ATXN1: variants seen among roughly 807,000 people sequenced by gnomAD.
ATXN1 encodes ataxin 1.
Under a neutral mutation model 56.4 loss-of-function variants are expected in ATXN1, and 8 were observed. That is an observed-to-expected ratio of 0.14 (90% CI 0.08 to 0.26). The LOEUF (loss-of-function observed/expected upper bound fraction) is 0.26. ATXN1 is among the 10% of genes least tolerant of loss of function. ATXN1 has a pLI of 1.00. For synonymous variants in ATXN1, 514 were observed against 494.6 expected (o/e 1.04, Z -0.52); for missense variants, 987 against 1,106.5 (o/e 0.89, Z 1.53).
intron 4 of ATXN1, among the ~76,000 whole-genome samples, chr6:16,565,125 T>TA (rs1762193307): frequency 6.6e-6 from 1 of 152,226 alleles, no homozygotes; most frequent in Non-Finnish European, 1.5e-5. Context: ...GCATAGTGGT[T>TA]AAAAATCAAT....
chr6:16,410,507 T>C lies in ATXN1; in HGVS notation c.-161+75465A>G, dbSNP rs917691115. On this transcript the variant is annotated intron_variant, in intron 6 of 7. Coordinates refer to ENST00000436367, the MANE Select transcript of ATXN1 (RefSeq NM_001128164.2). This position sits in a 1 kb window ranked among gnomAD's most constrained non-coding sequence, Gnocchi z 4.6. ...GGGCTTTTTCTGATGTAGCGATATTTTGGAGATTATGGTTCAACCAGTGAT... is the reference window on the plus strand; with the variant it reads ...GGGCTTTTTCTGATGTAGCGATATTCTGGAGATTATGGTTCAACCAGTGAT... Among the ~76,000 whole-genome samples the C allele has an allele frequency of 1.3e-5, 2 of 152,216 alleles. No homozygotes were observed. The highest frequency in any genetic ancestry group is 4.8e-5 in the African/African-American group (2 of 41,464).
intron 3 of ATXN1, among the ~76,000 whole-genome samples, chr6:16,621,794 A>G (rs998022487): frequency 6.6e-6 from 1 of 152,214 alleles, no homozygotes; most frequent in Non-Finnish European, 1.5e-5. Flanking sequence ...AAAATAAATA[A>G]ATAAAAAGTC....
At chr6:16,558,480 T>C (rs1762056613) in intron 4 of ATXN1, among the ~76,000 whole-genome samples, 1 of 152,048 alleles carries the variant, frequency 6.6e-6, no homozygotes, top group Non-Finnish European at 1.5e-5. Context: ...GCTCAAACAA[T>C]CCTTCCACCT....
intron 3 of ATXN1, among the ~76,000 whole-genome samples, chr6:16,633,388 T>C (rs986920470): frequency 3.3e-5 from 5 of 152,210 alleles, no homozygotes; most frequent in Non-Finnish European, 7.3e-5. Flanking sequence ...TCAGTTTTCT[T>C]TTCCAGTTTT....
At chr6:16,494,481 A>C (rs1199394827) in intron 5 of ATXN1, among the ~76,000 whole-genome samples, 1 of 152,182 alleles carries the variant, frequency 6.6e-6, no homozygotes, top group Non-Finnish European at 1.5e-5. Flanking sequence ...CTATCCTCAA[A>C]GGTTTTTTAA....
intron 3 of ATXN1, among the ~76,000 whole-genome samples, chr6:16,655,546 G>A (rs1461997788): frequency 2.6e-5 from 4 of 152,180 alleles, no homozygotes; most frequent in African/African-American, 4.8e-5. Context: ...TTCATAAAGA[G>A]AGACCAGTCA....
In ATXN1 at chr6:16,328,217, T is replaced by C; in HGVS notation, c.94A>G (p.Thr32Ala). The change falls in exon 7 of 8, where the codon ACC becomes GCC. Residue 32 changes from threonine (T) to alanine (A), a missense_variant. This residue lies in a region of ATXN1 where 723 missense variants were observed against 791.7 expected (regional missense o/e 0.91). Transcript: ENST00000436367. This position sits in a 1 kb window ranked among gnomAD's most constrained non-coding sequence, Gnocchi z 6.2. ...TSRSSEEKAPTLPSDNHRVEG... is the reference protein window; with the variant it reads ...TSRSSEEKAPALPSDNHRVEG... ...ACCCGGTGGTTGTCGCTGGGCAGGG[T>C]AGGGGCCTTCTCCTCGGAGGACCGG... 1.3e-6 allele frequency: 2 copies of C among 1,590,836 alleles called. No individual in the cohort carries two copies. The highest frequency in any genetic ancestry group is 1.7e-6 in the Non-Finnish European group (2 of 1,166,236).
intron 2 of ATXN1, among the ~76,000 whole-genome samples, chr6:16,686,684 C>A (rs180724784): frequency 1.3e-5 from 2 of 152,052 alleles, no homozygotes; most frequent in African/African-American, 4.8e-5. Context: ...AGCAAGAAAC[C>A]GTAAGAGCAT....
intron 6 of ATXN1, among the ~76,000 whole-genome samples, chr6:16,459,817 A>G (rs1387671376): frequency 6.6e-6 from 1 of 152,106 alleles, no homozygotes; most frequent in African/African-American, 2.4e-5. Flanking sequence ...TATGTGGATG[A>G]TTTACTTTTG....
intron 2 of ATXN1, among the ~76,000 whole-genome samples, chr6:16,719,469 C>T (rs1759704032): frequency 6.6e-6 from 1 of 152,138 alleles, no homozygotes; most frequent in Non-Finnish European, 1.5e-5. Flanking sequence ...ATGAAGATGG[C>T]TTTAAGAAAA....
intron 6 of ATXN1, among the ~76,000 whole-genome samples, chr6:16,407,192 C>T (rs1357707922): frequency 2.6e-5 from 4 of 152,194 alleles, no homozygotes; most frequent in African/African-American, 9.7e-5. Context: ...GTTAACTTGG[C>T]TTCATTTTAA....
chr6:16,444,248 C>T (rs914490563), intron 6 of ATXN1, among the ~76,000 whole-genome samples: 6 of 152,154 alleles, frequency 3.9e-5, no homozygotes, highest in African/African-American at 1.4e-4. Context: ...CCCCTGGGGC[C>T]CAGTCTTTGG....
At chr6:16,443,528 G>A (rs915033804) in intron 6 of ATXN1, among the ~76,000 whole-genome samples, 8 of 152,234 alleles carry the variant, frequency 5.3e-5, no homozygotes, top group East Asian at 1.9e-4. Flanking sequence ...ATATTGTAAT[G>A]TAATTGTCCA....
Position 16,513,067 on chromosome 6 carries a change from C to T in ATXN1, c.-299+9560G>A, listed in dbSNP as rs1047148358. Among the ~76,000 whole-genome samples, 18 of 152,220 alleles carry T rather than the reference C, an allele frequency of 1.2e-4. 1 individual carries two copies. The highest frequency in any genetic ancestry group is 6.3e-3 in the Middle Eastern group (2 of 316). ...GCAAAGCACATTTCAAAAGTTCAGC[C>T]AACGGCTAGGAAAATGTTTGGGGCA... is the stretch of plus-strand genomic sequence containing the variant. On this transcript the variant is annotated intron_variant, in intron 5 of 7. Transcript: ENST00000436367.
At chr6:16,718,495 T>C (rs1034645354) in intron 2 of ATXN1, among the ~76,000 whole-genome samples, 3 of 152,224 alleles carry the variant, frequency 2.0e-5, no homozygotes, top group African/African-American at 7.2e-5. Context: ...GTCATGCTTA[T>C]ACCCACAGAA....
chr6:16,379,073 C>T (rs1054388884), intron 6 of ATXN1, among the ~76,000 whole-genome samples: 5 of 152,216 alleles, frequency 3.3e-5, no homozygotes, highest in Non-Finnish European at 5.9e-5. Flanking sequence ...TGGAATACTA[C>T]TCAGCCATAA....
chr6:16,589,825 G>A (rs1054155408), intron 3 of ATXN1, among the ~76,000 whole-genome samples: 19 of 152,196 alleles, frequency 1.2e-4, no homozygotes, highest in Non-Finnish European at 2.5e-4. Context: ...ATTAGCATCT[G>A]TGTAAGAACA....
intron 2 of ATXN1, among the ~76,000 whole-genome samples, chr6:16,726,979 T>A (rs915630028): frequency 5.3e-5 from 8 of 152,228 alleles, no homozygotes; most frequent in Non-Finnish European, 1.0e-4. Flanking sequence ...TGGGCCAGTA[T>A]GACAAATATT....
intron 3 of ATXN1, among the ~76,000 whole-genome samples, chr6:16,648,547 T>C (rs1763841179): frequency 1.3e-5 from 2 of 152,212 alleles, no homozygotes; most frequent in Non-Finnish European, 2.9e-5. Flanking sequence ...ACTGGGAGTC[T>C]GCACATTCAC....
Sources: gnomAD v4.1 joint callset for allele counts (sites outside exome capture counted in the v4.1 genomes callset) on GRCh38, gnomAD v4.1.1 for gene constraint, gnomAD v4.1.1 regional missense constraint, Gnocchi (gnomAD v3.1) non-coding constraint, MANE v1.5 for transcripts, NCBI Gene and HGNC (gene_info 2026-07-23, HGNC 2026-07-21) for gene names.